BCAR3: variants seen among roughly 807,000 people sequenced by gnomAD.
The protein encoded by BCAR3 is BCAR3 adaptor protein, NSP family member, also known as breast cancer anti-estrogen resistance protein 3.
Under a neutral mutation model 80.1 loss-of-function variants are expected in BCAR3, and 37 were observed. That is an observed-to-expected ratio of 0.46 (90% CI 0.36 to 0.61). BCAR3 has a LOEUF of 0.61. Among genes scored for constraint, BCAR3 ranks in the 20% least tolerant of loss-of-function variants. BCAR3 has a pLI of 0.00. For synonymous variants in BCAR3, 389 were observed against 418.9 expected, an observed-to-expected ratio of 0.93 and a Z score of 0.87; for missense variants, 978 against 1,068.2, an observed-to-expected ratio of 0.92 and a Z score of 1.18.
chr1:93,703,572 G>GAAAAAA (rs5776186), intron 3 of BCAR3, among the ~76,000 whole-genome samples: 1 of 140,618 alleles, frequency 7.1e-6, no homozygotes, highest in African/African-American at 2.7e-5. Flanking sequence ...CTCTTAAAAA[G>GAAAAAA]AAAAAAAAAA....
chr1:93,607,557 C>T (rs1674810991), intron 3 of BCAR3, among the ~76,000 whole-genome samples: 1 of 151,900 alleles, frequency 6.6e-6, no homozygotes, highest in African/African-American at 2.4e-5. Context: ...AGTCCAACGC[C>T]CAAGCTCTCA....
At chr1:93,585,632 AAAG>A (rs1283446955) in intron 5 of BCAR3, among the ~76,000 whole-genome samples, 1 of 152,192 alleles carries the variant, frequency 6.6e-6, no homozygotes, top group Non-Finnish European at 1.5e-5. Flanking sequence ...AAACAGAAGA[AAAG>A]GTACCCCTTC....
intron 3 of BCAR3, among the ~76,000 whole-genome samples, chr1:93,702,188 G>A (rs1220700895): frequency 6.6e-6 from 1 of 152,144 alleles, no homozygotes; most frequent in Non-Finnish European, 1.5e-5. Context: ...ATTGCAGCAG[G>A]CCCCTTCCTG....
intron 3 of BCAR3, among the ~76,000 whole-genome samples, chr1:93,619,488 A>C (rs1675246602): frequency 6.6e-6 from 1 of 152,194 alleles, no homozygotes; most frequent in Non-Finnish European, 1.5e-5. Flanking sequence ...CTATGCAAGC[A>C]ATTACACCTG....
intron 3 of BCAR3, among the ~76,000 whole-genome samples, chr1:93,602,834 T>G (rs912098595): frequency 9.8e-5 from 15 of 152,346 alleles, no homozygotes; most frequent in African/African-American, 3.4e-4. Flanking sequence ...GAAGACCAGT[T>G]ACTTCTAGTA....
chr1:93,819,486 G>A (rs1460615970), intron 2 of BCAR3, among the ~76,000 whole-genome samples: 3 of 152,194 alleles, frequency 2.0e-5, no homozygotes, highest in Admixed American at 6.5e-5. Flanking sequence ...AAATACATGC[G>A]CTTTAGCAAA....
intron 2 of BCAR3, among the ~76,000 whole-genome samples, chr1:93,839,306 AAAACT>A (rs1176646496): frequency 5.9e-5 from 9 of 152,200 alleles, no homozygotes; most frequent in African/African-American, 1.9e-4. Flanking sequence ...TAAAAAGAAA[AAAACT>A]AAACTAAACT....
At chr1:93,781,274 T>C (rs1652752851) in intron 2 of BCAR3, among the ~76,000 whole-genome samples, 1 of 152,252 alleles carries the variant, frequency 6.6e-6, no homozygotes, top group African/African-American at 2.4e-5. Context: ...TACTCTTCTT[T>C]TGATTTTTTT....
intron 2 of BCAR3, among the ~76,000 whole-genome samples, chr1:93,790,612 G>C (rs960497334): frequency 6.6e-5 from 6 of 90,304 alleles, no homozygotes; most frequent in African/African-American, 4.3e-4. Context: ...AACACTTATA[G>C]TCTTTTTTTT....
chr1:93,684,056 T>G (rs901286523), upstream of BCAR3, among the ~76,000 whole-genome samples: 1 of 152,198 alleles, frequency 6.6e-6, no homozygotes, highest in Non-Finnish European at 1.5e-5. Context: ...CTTATGAGTG[T>G]TTTTGTGGGT....
At chr1:93,818,474 G>T (rs1654093216) in intron 2 of BCAR3, among the ~76,000 whole-genome samples, 2 of 152,152 alleles carry the variant, frequency 1.3e-5, no homozygotes. Flanking sequence ...CTACTGTCGT[G>T]GTTGTGGGTG....
intron 3 of BCAR3, among the ~76,000 whole-genome samples, chr1:93,698,817 G>A (rs935867925): frequency 5.3e-5 from 8 of 152,178 alleles, no homozygotes; most frequent in Non-Finnish European, 1.0e-4. Context: ...TGTTTCATTC[G>A]TATTTATAGC....
At chr1:93,614,431 C>A (rs1185257668) in intron 3 of BCAR3, among the ~76,000 whole-genome samples, 3 of 152,066 alleles carry the variant, frequency 2.0e-5, no homozygotes, top group Non-Finnish European at 4.4e-5. Flanking sequence ...ATTCACACCA[C>A]CTTGTTATGA....
intron 3 of BCAR3, among the ~76,000 whole-genome samples, chr1:93,610,964 T>C (rs1674930948): frequency 6.6e-6 from 1 of 151,868 alleles, no homozygotes; most frequent in Admixed American, 6.6e-5. Context: ...CCAGAAAATC[T>C]GCTTTCTATT....
At chr1:93,622,961 A>G (rs1422883896) in intron 3 of BCAR3, among the ~76,000 whole-genome samples, 1 of 152,172 alleles carries the variant, frequency 6.6e-6, no homozygotes, top group Non-Finnish European at 1.5e-5. Flanking sequence ...ACTATCCAGG[A>G]ACACCAGGAC....
rs113630505 is a variant in BCAR3, at chr1:93,649,689, C to G, written c.318-7346G>C. On this transcript the variant is annotated intron_variant, in intron 2 of 11. Coordinates refer to ENST00000260502, the MANE Select transcript of BCAR3 (RefSeq NM_003567.4). The stretch of plus-strand genomic sequence containing the variant: ...AAAAAAAAGAGTTACAGTCACAAAT[C>G]TGACTATATTGCCTTTTGTGATATG... 1.1e-3 allele frequency among the ~76,000 whole-genome samples: 166 copies of G among 152,120 alleles called. 1 individual carries two copies. Among genetic ancestry groups the G allele is most frequent in the African/African-American group, 3.6e-3 (150 of 41,508 alleles).
chr1:93,797,898 C>T (rs763462943), intron 2 of BCAR3, among the ~76,000 whole-genome samples: 33 of 152,138 alleles, frequency 2.2e-4, no homozygotes, highest in Admixed American at 7.2e-4. Flanking sequence ...TAAATCATAA[C>T]CAATACATAT....
chr1:93,826,295 G>A (rs945140775), intron 2 of BCAR3, among the ~76,000 whole-genome samples: 1 of 152,108 alleles, frequency 6.6e-6, no homozygotes, highest in African/African-American at 2.4e-5. Flanking sequence ...TATTCATGCT[G>A]TCTCTTCTGC....
At chr1:93,654,960 C>T (rs1459316172) in intron 2 of BCAR3, among the ~76,000 whole-genome samples, 1 of 152,236 alleles carries the variant, frequency 6.6e-6, no homozygotes, top group African/African-American at 2.4e-5. Context: ...CCCTGGAATA[C>T]AACCCTCCAA....
Sources: gnomAD v4.1 joint callset for allele counts (sites outside exome capture counted in the v4.1 genomes callset) on GRCh38, gnomAD v4.1.1 for gene constraint, MANE v1.5 for transcripts, NCBI Gene and HGNC (gene_info 2026-07-23, HGNC 2026-07-21) for gene names.